The following HOXB3 variants were observed in gnomAD, a reference collection of about 807,000 sequenced individuals.
HOXB3 encodes the protein homeobox protein Hox-B3.
A neutral mutation model predicts 29.2 loss-of-function variants in HOXB3; 17 were observed. The observed-to-expected ratio is 0.58, with a 90% CI of 0.40 to 0.87. The LOEUF (loss-of-function observed/expected upper bound fraction) is 0.87, where lower values mean the gene tolerates loss of function less well. Ranked by LOEUF, HOXB3 falls within the 40% of genes least tolerant of loss-of-function variation. The pLI is 0.00. For missense variants in HOXB3, 637 were observed against 616.3 expected, an observed-to-expected ratio of 1.03 and a Z score of -0.35; for synonymous variants, 317 against 285.9, an observed-to-expected ratio of 1.11 and a Z score of -1.10.
At chr17:48,568,154 T>C (rs2069450405) in intron 2 of HOXB3, among the ~76,000 whole-genome samples, 1 of 152,182 alleles carries the variant, frequency 6.6e-6, no homozygotes, top group Non-Finnish European at 1.5e-5. Flanking sequence ...ACTCTAAGGC[T>C]CCTTCTGCCT....
At chr17:48,577,028 C>T in intron 1 of HOXB3, 1 of 1,578,782 alleles carries the variant, frequency 6.3e-7, no homozygotes. Context: ...TTACTGGACA[C>T]ACACGGAGAG....
At chr17:48,577,799 C>A in intron 1 of HOXB3, 1 of 1,323,888 alleles carries the variant, frequency 7.6e-7, no homozygotes, top group Non-Finnish European at 9.7e-7. Context: ...CAACCCATGC[C>A]TCCGAAGTCC....
intron 1 of HOXB3, chr17:48,581,478 G>A (rs1403100643): frequency 6.6e-6 from 1 of 152,282 alleles, no homozygotes; most frequent in Non-Finnish European, 1.5e-5. Flanking sequence ...GCTCCCTAGC[G>A]TCAACCAGGG....
intron 1 of HOXB3, chr17:48,576,524 G>C (rs754344512): frequency 9.7e-6 from 4 of 413,866 alleles, no homozygotes; most frequent in Non-Finnish European, 1.7e-5. Flanking sequence ...GGGCCTCCCC[G>C]TGGCCCTCTA....
chr17:48,580,114 C>A (rs2144901831), intron 1 of HOXB3: 1 of 328,950 alleles, frequency 3.0e-6, no homozygotes, highest in Non-Finnish European at 6.0e-6. Flanking sequence ...CAATTCTCCT[C>A]TTCTATTAGA....
intron 2 of HOXB3, among the ~76,000 whole-genome samples, chr17:48,562,519 G>A (rs559970615): frequency 6.6e-6 from 1 of 152,244 alleles, no homozygotes; most frequent in East Asian, 1.9e-4. Flanking sequence ...TCTGCTCTTG[G>A]GAAATGTGTA....
intron 1 of HOXB3, among the ~76,000 whole-genome samples, chr17:48,583,896 T>C (rs2069997277): frequency 6.6e-6 from 1 of 152,222 alleles, no homozygotes; most frequent in African/African-American, 2.4e-5. Context: ...AAATTTGATA[T>C]TAAACCTTTG....
chr17:48,562,072 T>A (rs904401896), intron 2 of HOXB3, among the ~76,000 whole-genome samples: 2 of 152,158 alleles, frequency 1.3e-5, no homozygotes, highest in Non-Finnish European at 2.9e-5. Flanking sequence ...CCTTGCCCCA[T>A]AGAGGCTCAT....
At chr17:48,575,058 G>A (rs2069715625) in intron 1 of HOXB3, 1 of 152,224 alleles carries the variant, frequency 6.6e-6, no homozygotes, top group Non-Finnish European at 1.5e-5. Flanking sequence ...TATGCTGCGA[G>A]GAAAGAGGCC....
At chr17:48,568,996 C>CCGGCTG (rs747908370) in intron 2 of HOXB3, among the ~76,000 whole-genome samples, 217 of 152,110 alleles carry the variant, frequency 1.4e-3, no homozygotes, top group Admixed American at 6.2e-3. Flanking sequence ...CGGTGTGGCT[C>CCGGCTG]CGGCTGCGGG....
At chr17:48,577,854 C>T in intron 1 of HOXB3, 5 of 1,401,824 alleles carry the variant, frequency 3.6e-6, no homozygotes, top group Non-Finnish European at 4.7e-6. Flanking sequence ...GGGGTGCCCA[C>T]GCACTCACCC....
chr17:48,565,623 C>A (rs2069364360), intron 2 of HOXB3, among the ~76,000 whole-genome samples: 1 of 152,240 alleles, frequency 6.6e-6, no homozygotes, highest in Non-Finnish European at 1.5e-5. Flanking sequence ...CTCCAGAAAT[C>A]ACTTCTGGGC....
In HOXB3 at chr17:48,579,818, T is replaced by A. The variant is rs553296961; in HGVS notation, c.-424-5804A>T. The A allele has an allele frequency of 7.5e-3, 3,444 of 461,144 alleles. 29 individuals are homozygous for A. Among genetic ancestry groups the A allele is most frequent in the Admixed American group, 0.033 (1,258 of 38,374 alleles). The allele number at this position is 461,144 out of a possible 1,614,324, so 28.6% of individuals were successfully genotyped here. On this transcript the variant is annotated intron_variant, in intron 1 of 4. Transcript: ENST00000498678. ...ATACTACATATACATATATATATAT[T>A]TTTTTCTTCTGGAAAAATAAGAGCG... is the stretch of plus-strand genomic sequence containing the variant.
chr17:48,554,478 C>G lies in HOXB3; in HGVS notation c.-159+1053G>C, dbSNP rs2068881343. ...CAGGCGAGTGTGGAAAGCGAAGGAG[C>G]CAGAGACGCGATAGGAAAGAATGGA... On this transcript the variant is annotated intron_variant, in intron 3 of 4. Coordinates refer to ENST00000498678, the MANE Select transcript of HOXB3 (RefSeq NM_001384749.1). The surrounding 1 kb of genome is among the most constrained non-coding windows in gnomAD (Gnocchi z 4.1). 1.6e-6 allele frequency: 1 copy of G among 606,412 alleles called. No homozygotes were observed. The highest frequency in any genetic ancestry group is 2.9e-5 in the Admixed American group (1 of 35,018). 37.6% of individuals were successfully genotyped at this position (606,412 alleles called of 1,614,324 possible).
chr17:48,554,830 G>A lies in HOXB3; in HGVS notation c.-159+701C>T. 1.4e-6 allele frequency: 1 copy of A among 702,344 alleles called. No homozygotes were observed. Among genetic ancestry groups the A allele is most frequent in the Non-Finnish European group, 2.6e-6 (1 of 384,818 alleles). 43.5% of individuals were successfully genotyped at this position (702,344 alleles called of 1,614,324 possible). ...TGCTCAGCAGGGCTCCGGGTTGGAG[G>A]GCGCCGAGGCCTGGCGGACGGGACA... On this transcript the variant is annotated intron_variant, in intron 3 of 4. Coordinates refer to ENST00000498678, the MANE Select transcript of HOXB3 (RefSeq NM_001384749.1). The surrounding 1 kb of genome is among the most constrained non-coding windows in gnomAD (Gnocchi z 4.1).
At chr17:48,587,417 C>T (rs1454774063) in intron 1 of HOXB3, among the ~76,000 whole-genome samples, 2 of 152,146 alleles carry the variant, frequency 1.3e-5, no homozygotes, top group African/African-American at 4.8e-5. Flanking sequence ...TCTTGCTAGC[C>T]CTGTCTTCCG....
At chr17:48,580,550 A>C (rs955399140) in intron 1 of HOXB3, 1 of 152,116 alleles carries the variant, frequency 6.6e-6, no homozygotes, top group Non-Finnish European at 1.5e-5. Flanking sequence ...TGGGAGACCA[A>C]GCAGATGGGG....
intron 4 of HOXB3, among the ~76,000 whole-genome samples, chr17:48,551,820 G>T (rs1042427961): frequency 6.6e-6 from 1 of 152,270 alleles, no homozygotes; most frequent in Admixed American, 6.5e-5. Flanking sequence ...GGAGCTTTCA[G>T]AAGCTCCGGT....
Position 48,550,613 on chromosome 17 carries a change from G to A in HOXB3, c.1017C>T (p.Gly339=). The A allele has an allele frequency of 2.0e-6, 3 of 1,520,314 alleles. No individual in the cohort carries two copies. The highest frequency in any genetic ancestry group is 2.3e-5 in the East Asian group (1 of 44,112). 94.2% of individuals were successfully genotyped at this position (1,520,314 alleles called of 1,614,324 possible). The part of the protein sequence containing the change: ...YEPHVLQANG[G]AYGTPTMQGS... ...CCTGCATGGTGGGCGTCCCGTAGGCGCCCCCGTTGGCTTGGAGGACGTGCG... is the reference window on the plus strand; with the variant it reads ...CCTGCATGGTGGGCGTCCCGTAGGCACCCCCGTTGGCTTGGAGGACGTGCG... The change falls in exon 5 of 5, where the codon GGC becomes GGT. Residue 339 remains glycine, a synonymous_variant. Coordinates refer to ENST00000498678, the MANE Select transcript of HOXB3 (RefSeq NM_001384749.1).
Sources: allele counts gnomAD v4.1 joint callset (sites outside exome capture counted in the v4.1 genomes callset), GRCh38; gene constraint gnomAD v4.1.1; non-coding constraint Gnocchi (gnomAD v3.1); transcripts MANE v1.5; gene names NCBI Gene and HGNC (gene_info 2026-07-23, HGNC 2026-07-21).